HSD17B7: variants seen among roughly 807,000 people sequenced by gnomAD.
HSD17B7 encodes the protein 3-keto-steroid reductase/17-beta-hydroxysteroid dehydrogenase 7.
HSD17B7 carries 17 observed loss-of-function variants against 34.1 expected under a neutral mutation model. The observed-to-expected ratio is 0.50, with a 90% CI of 0.34 to 0.75. The LOEUF (loss-of-function observed/expected upper bound fraction) is 0.75, where lower values mean the gene tolerates loss of function less well. HSD17B7 is among the 30% of genes least tolerant of loss of function. The probability of loss-of-function intolerance (pLI) is 0.01; values close to 1 mark genes in which losing one functional copy is unlikely to be tolerated. For synonymous variants in HSD17B7, 122 were observed against 154.6 expected (o/e 0.79, Z 1.56); for missense variants, 296 against 406.6 (o/e 0.73, Z 2.34).
intron 8 of HSD17B7, among the ~76,000 whole-genome samples, chr1:162,806,659 C>CTACAATAGAATAG (rs1394871622): frequency 6.6e-6 from 1 of 152,162 alleles, no homozygotes; most frequent in African/African-American, 2.4e-5. Flanking sequence ...TGTAACATCC[C>CTACAATAGAATAG]TTTGGGGAAT....
intron 2 of HSD17B7, among the ~76,000 whole-genome samples, chr1:162,794,867 C>T (rs550461580): frequency 2.7e-4 from 41 of 152,134 alleles, no homozygotes; most frequent in Non-Finnish European, 4.3e-4. Flanking sequence ...GGTACTTTAT[C>T]GCGAGTTCAG....
At chr1:162,809,734 A>C (rs1649111160) in intron 8 of HSD17B7, among the ~76,000 whole-genome samples, 1 of 151,772 alleles carries the variant, frequency 6.6e-6, no homozygotes, top group Non-Finnish European at 1.5e-5. Context: ...TTTCTTCTAG[A>C]TTTTCTAGTT....
chr1:162,811,087 C>T lies in HSD17B7; in HGVS notation c.904-1211C>T, dbSNP rs183013954. Among the ~76,000 whole-genome samples the T allele has an allele frequency of 8.4e-4, 128 of 152,252 alleles. 1 individual carries two copies. The highest frequency in any genetic ancestry group is 2.8e-3 in the African/African-American group (118 of 41,548). ...GGCATGTTTTTGCAGTGGCTGGTAC[C>T]GGTTGTTCCTTTCCATGTTTAGTGC... On this transcript the variant is annotated intron_variant, in intron 8 of 8. Coordinates refer to ENST00000254521, the MANE Select transcript of HSD17B7 (RefSeq NM_016371.4).
chr1:162,809,332 G>A (rs1010308001), intron 8 of HSD17B7, among the ~76,000 whole-genome samples: 1 of 152,194 alleles, frequency 6.6e-6, no homozygotes, highest in Non-Finnish European at 1.5e-5. Context: ...CTTGATCATG[G>A]TGGATAAGCT....
intron 4 of HSD17B7, chr1:162,798,909 G>A (rs199882560): frequency 3.1e-5 from 9 of 287,268 alleles, no homozygotes; most frequent in African/African-American, 1.4e-4. Flanking sequence ...CAGAAGAATC[G>A]CTTGAACCCG....
intron 2 of HSD17B7, chr1:162,795,479 T>C (rs1383269908): frequency 8.7e-6 from 3 of 344,644 alleles, no homozygotes; most frequent in African/African-American, 6.4e-5. Flanking sequence ...TAGATAAAAG[T>C]TGGCAAATAA....
chr1:162,799,001 AAAAAAAAAAG>A (rs1020923729), intron 4 of HSD17B7: 5 of 188,804 alleles, frequency 2.6e-5, no homozygotes, highest in Non-Finnish European at 5.7e-5. Context: ...TCTCAAAAAA[AAAAAAAAAAG>A]AGAAAAAGAA....
chr1:162,799,639 G>A, intron 4 of HSD17B7, 104 bp from the exon 5 acceptor site: 1 of 672,988 alleles, frequency 1.5e-6, no homozygotes, highest in East Asian at 2.7e-5. Context: ...AGTTAATACT[G>A]ATGTCTCTGA....
At chr1:162,808,205 C>G (rs925407449) in intron 8 of HSD17B7, among the ~76,000 whole-genome samples, 1 of 152,112 alleles carries the variant, frequency 6.6e-6, no homozygotes, top group Non-Finnish European at 1.5e-5. Flanking sequence ...GTTTTCCCAG[C>G]ACCATTTATT....
intron 8 of HSD17B7, 114 bp downstream of exon 8, chr1:162,805,606 C>T: frequency 6.8e-7 from 1 of 1,460,838 alleles, no homozygotes; most frequent in South Asian, 1.4e-5. Context: ...ACTCACTGTT[C>T]ACCAGCATCA....
At chr1:162,790,915 G>A in intron 1 of HSD17B7, 80 bp downstream of exon 1, 2 of 1,082,160 alleles carry the variant, frequency 1.8e-6, no homozygotes, top group South Asian at 1.4e-5. Context: ...CTCCACGAAC[G>A]GACCCCGGAA....
rs950208787 is a variant in HSD17B7 at position 162,803,266 on chromosome 1, T to C, written c.643-165T>C. 4.4e-6 allele frequency: 4 copies of C among 908,852 alleles called. No homozygotes were observed. In the African/African-American group the frequency reaches 6.7e-5, roughly 15 times the overall value. 56.3% of individuals were successfully genotyped at this position (908,852 alleles called of 1,614,324 possible). On this transcript the variant is annotated intron_variant, in intron 5 of 8. Transcript: ENST00000254521. ...AGTGGGTTCTCTTAATACATGATTC[T>C]TCAACATAAACGTTCTACCCAACTT...
rs750824430 is a variant in HSD17B7 at position 162,812,346 on chromosome 1, G to A, written c.952G>A (p.Glu318Lys). 6.8e-6 allele frequency: 11 copies of A among 1,612,314 alleles called. No homozygotes were observed. The East Asian group carries it at 2.5e-4, about 36-fold the overall frequency. ...TAEKFYQKLL[E>K]LEKHIRVTIQ... ...TGAAAAATTTTATCAAAAGTTACTG[G>A]AACTGGAAAAGCACATTAGGGTCAC... Residue 318 changes from glutamate (E) to lysine (K), a missense_variant, in exon 9 of 9, where the codon GAA becomes AAA. Glu to Lys is a moderately conservative substitution (Grantham distance 56). Coordinates refer to ENST00000254521, the MANE Select transcript of HSD17B7 (RefSeq NM_016371.4).
chr1:162,807,194 G>C (rs150740672), intron 8 of HSD17B7, among the ~76,000 whole-genome samples: 1,857 of 152,152 alleles, frequency 0.012, 26 homozygotes, highest in African/African-American at 0.042. Context: ...TCATTGTTCA[G>C]TTCCCACCTA....
chr1:162,801,630 TTG>T (rs1394058252), intron 5 of HSD17B7, among the ~76,000 whole-genome samples: 3 of 152,130 alleles, frequency 2.0e-5, no homozygotes, highest in African/African-American at 7.2e-5. Flanking sequence ...GCACATGTGT[TTG>T]TGAATGTACT....
chr1:162,791,253 C>T (rs1648396167), intron 1 of HSD17B7, among the ~76,000 whole-genome samples: 1 of 151,888 alleles, frequency 6.6e-6, no homozygotes, highest in African/African-American at 2.4e-5. Context: ...AATTTGAACA[C>T]CCATGAACAT....
At chr1:162,796,527 A>G in intron 2 of HSD17B7, 58 bp from the exon 3 acceptor site, 3 of 1,069,638 alleles carry the variant, frequency 2.8e-6, no homozygotes, top group Non-Finnish European at 4.4e-6. Context: ...AGAATACACA[A>G]TCTTGTCCTG....
chr1:162,796,103 A>G (rs1160097007), intron 2 of HSD17B7, among the ~76,000 whole-genome samples: 1 of 152,182 alleles, frequency 6.6e-6, no homozygotes, highest in African/African-American at 2.4e-5. Context: ...TTTGGCATTC[A>G]GATTTCAGCA....
chr1:162,807,889 G>C (rs545033399), intron 8 of HSD17B7, among the ~76,000 whole-genome samples: 11 of 152,278 alleles, frequency 7.2e-5, no homozygotes, highest in African/African-American at 2.4e-4. Flanking sequence ...CAGATGGGTA[G>C]ATTGCAAAAA....
Sources: gnomAD v4.1 joint callset for allele counts (sites outside exome capture counted in the v4.1 genomes callset) on GRCh38, gnomAD v4.1.1 for gene constraint, MANE v1.5 for transcripts, NCBI Gene and HGNC (gene_info 2026-07-23, HGNC 2026-07-21) for gene names.